The following GLIS3 variants were observed in gnomAD, a reference collection of about 807,000 sequenced individuals.
The protein encoded by GLIS3 is zinc finger protein GLIS3.
A neutral mutation model predicts 78.6 loss-of-function variants in GLIS3; 53 were observed. The ratio of observed to expected loss-of-function variants is 0.67; its 90% confidence interval spans 0.54 to 0.85. The LOEUF is 0.85. Among genes scored for constraint, GLIS3 ranks in the 40% least tolerant of loss-of-function variants. The probability of loss-of-function intolerance (pLI) is 0.00; values close to 1 mark genes in which losing one functional copy is unlikely to be tolerated. For synonymous variants in GLIS3, 684 were observed against 509.9 expected (o/e 1.34, Z -4.60); for missense variants, 1,703 against 1,231.1 (o/e 1.38, Z -5.74).
chr9:4,479,565 C>T, the GLIS3 span, among the ~76,000 whole-genome samples: 1 of 152,160 alleles, frequency 6.6e-6, no homozygotes, highest in Non-Finnish European at 1.5e-5. Context: ...GAGGGTCACT[C>T]ACCCAGCCCA....
intron 2 of GLIS3, among the ~76,000 whole-genome samples, chr9:4,232,747 A>T (rs1822385418): frequency 6.6e-6 from 1 of 152,176 alleles, no homozygotes; most frequent in South Asian, 2.1e-4. Context: ...ACGTTATCTA[A>T]TATTAAGAGA....
intron 4 of GLIS3, among the ~76,000 whole-genome samples, chr9:3,940,485 C>G (rs1322694264): frequency 6.6e-6 from 1 of 152,160 alleles, no homozygotes; most frequent in African/African-American, 2.4e-5. Flanking sequence ...TGGACAACTC[C>G]TACCCAAATT....
chr9:4,469,792 G>C, the GLIS3 span, among the ~76,000 whole-genome samples: 10 of 152,188 alleles, frequency 6.6e-5, no homozygotes, highest in South Asian at 1.9e-3. Context: ...GATCAGAGCA[G>C]AATTGAAGGA....
intron 4 of GLIS3, among the ~76,000 whole-genome samples, chr9:4,103,220 G>C (rs1252222871): frequency 1.3e-5 from 2 of 152,102 alleles, no homozygotes; most frequent in Non-Finnish European, 2.9e-5. Context: ...AAATATAATT[G>C]TGTAATCTTA....
chr9:4,097,268 T>C (rs1010388525), intron 4 of GLIS3, among the ~76,000 whole-genome samples: 1 of 152,020 alleles, frequency 6.6e-6, no homozygotes, highest in African/African-American at 2.4e-5. Context: ...AAGGAAAATA[T>C]TTTCCAGGAT....
intron 2 of GLIS3, among the ~76,000 whole-genome samples, chr9:4,321,376 G>C (rs537275013): frequency 0.011 from 1,188 of 111,810 alleles, 131 homozygotes; most frequent in African/African-American, 0.033. Context: ...GAGCCGAGAT[G>C]GCGCCACTGC....
At chr9:4,158,871 C>T (rs193234558) in intron 2 of GLIS3, among the ~76,000 whole-genome samples, 4 of 152,008 alleles carry the variant, frequency 2.6e-5, no homozygotes, top group Admixed American at 2.0e-4. Flanking sequence ...AACTGAGTGG[C>T]AGAAAAGGCC....
intron 2 of GLIS3, among the ~76,000 whole-genome samples, chr9:4,318,761 GAC>G (rs1284562713): frequency 2.6e-5 from 4 of 152,146 alleles, no homozygotes; most frequent in Admixed American, 6.5e-5. Context: ...AGATGAAGAT[GAC>G]AGTCTTCAAA....
chr9:3,841,699 A>T (rs1291328673), intron 9 of GLIS3, among the ~76,000 whole-genome samples: 2 of 152,204 alleles, frequency 1.3e-5, no homozygotes, highest in African/African-American at 4.8e-5. Flanking sequence ...GACAAGAAAG[A>T]GTTGGGAATT....
rs1354886161 is a variant in GLIS3, at chr9:4,147,826, A to T, written c.389-21885T>A. Among the ~76,000 whole-genome samples, 24 of 152,292 alleles carry T rather than the reference A, an allele frequency of 1.6e-4. No individual in the cohort carries two copies. In the South Asian group the frequency reaches 5.0e-3, roughly 32 times the overall value. ...TGCTGAGTTCATACCAAAAAAAAAA[A>T]AAAAATTATAACATTCTAATGGCTA... On this transcript the variant is annotated intron_variant, in intron 2 of 10. Transcript: ENST00000381971.
intron 2 of GLIS3, among the ~76,000 whole-genome samples, chr9:4,338,502 T>C (rs1365799998): frequency 6.6e-6 from 1 of 152,046 alleles, no homozygotes; most frequent in East Asian, 1.9e-4. Flanking sequence ...AGACAACCTA[T>C]GAGGTACTGT....
At chr9:4,158,811 G>C (rs549466558) in intron 2 of GLIS3, among the ~76,000 whole-genome samples, 5 of 152,220 alleles carry the variant, frequency 3.3e-5, no homozygotes, top group African/African-American at 9.6e-5. Context: ...TTTCAAATAA[G>C]CGTAAGTGCC....
At chr9:4,363,066 G>A in the GLIS3 span, among the ~76,000 whole-genome samples, 2 of 152,112 alleles carry the variant, frequency 1.3e-5, no homozygotes, top group Non-Finnish European at 2.9e-5. Context: ...AGTTCCATTA[G>A]GCCCAAGAGA....
intron 2 of GLIS3, among the ~76,000 whole-genome samples, chr9:4,174,363 A>G (rs1816639691): frequency 6.6e-6 from 1 of 152,216 alleles, no homozygotes; most frequent in African/African-American, 2.4e-5. Flanking sequence ...ATACTTTCCA[A>G]TTCACCGATT....
chr9:4,344,432 G>T (rs1218918458), intron 2 of GLIS3, among the ~76,000 whole-genome samples: 1 of 152,126 alleles, frequency 6.6e-6, no homozygotes, highest in Middle Eastern at 3.2e-3. Context: ...TGGCCTCCTG[G>T]AAATCCTGGT....
chr9:4,076,718 T>C (rs1401067292), intron 4 of GLIS3, among the ~76,000 whole-genome samples: 4 of 152,220 alleles, frequency 2.6e-5, no homozygotes. Context: ...CTTCATAGCC[T>C]GTCTTATTTT....
At chr9:4,158,330 C>T (rs897191633) in intron 2 of GLIS3, among the ~76,000 whole-genome samples, 9 of 152,110 alleles carry the variant, frequency 5.9e-5, no homozygotes, top group Admixed American at 2.6e-4. Flanking sequence ...ATACATGTGT[C>T]CAAAGAGGGC....
chr9:4,118,361 G>C lies in GLIS3; in HGVS notation c.1117C>G (p.Leu373Val), dbSNP rs200263979. 6.1e-4 allele frequency: 968 copies of C among 1,587,850 alleles called. 3 individuals carry two copies. Among genetic ancestry groups the C allele is most frequent in the Non-Finnish European group, 3.0e-4 (350 of 1,171,000 alleles). The change falls in exon 4 of 11, where the codon CTG (leucine) becomes GTG (valine). Residue 373 changes from leucine (L) to valine (V), a missense_variant. Leu to Val is a conservative substitution (Grantham distance 32). Transcript: ENST00000381971. This position sits in a 1 kb window ranked among gnomAD's most constrained non-coding sequence, Gnocchi z 4.7. ...RPVPGSQKGVLVAPGGLALPA... is the reference protein window; with the variant it reads ...RPVPGSQKGVVVAPGGLALPA... ...AGCGCCAGGCCTCCAGGGGCCACCA[G>C]CACGCCCTTCTGGCTGCCGGGCACC...
At chr9:4,223,950 G>A (rs1250897303) in intron 2 of GLIS3, among the ~76,000 whole-genome samples, 2 of 151,658 alleles carry the variant, frequency 1.3e-5, no homozygotes, top group Admixed American at 1.3e-4. Context: ...AAACAATACG[G>A]GGAAAATGCC....
Sources: gnomAD v4.1 joint callset for allele counts (sites outside exome capture counted in the v4.1 genomes callset) on GRCh38, gnomAD v4.1.1 for gene constraint, Gnocchi (gnomAD v3.1) non-coding constraint, MANE v1.5 for transcripts, NCBI Gene and HGNC (gene_info 2026-07-23, HGNC 2026-07-21) for gene names.